The following RBFOX1 variants were observed in gnomAD, a reference collection of about 807,000 sequenced individuals.
RBFOX1 encodes the protein RNA binding protein fox-1 homolog 1.
RBFOX1 carries 8 observed loss-of-function variants against 57.7 expected under a neutral mutation model. The observed-to-expected ratio is 0.14, with a 90% CI of 0.08 to 0.25. RBFOX1 has a LOEUF of 0.25. RBFOX1 is among the 10% of genes least tolerant of loss of function. The pLI, the probability that RBFOX1 is intolerant of heterozygous loss-of-function variation, is 1.00. For synonymous variants in RBFOX1, 326 were observed against 222.4 expected (o/e 1.47, Z -4.15); for missense variants, 611 against 548.5 (o/e 1.11, Z -1.14).
At chr16:7,404,873 C>T (rs950573703) in intron 4 of RBFOX1, among the ~76,000 whole-genome samples, 1 of 152,044 alleles carries the variant, frequency 6.6e-6, no homozygotes, top group African/African-American at 2.4e-5. Flanking sequence ...TGAGGGGTGC[C>T]GTTCAGGATG....
chr16:6,972,969 C>G (rs898796857), intron 3 of RBFOX1, among the ~76,000 whole-genome samples: 5 of 151,964 alleles, frequency 3.3e-5, no homozygotes, highest in Non-Finnish European at 7.4e-5. Context: ...ACTAAAAATA[C>G]AAATAAAAAT....
chr16:5,938,214 G>A (rs150180698), intron 4 of RBFOX1, among the ~76,000 whole-genome samples: 126 of 151,980 alleles, frequency 8.3e-4, no homozygotes, highest in African/African-American at 2.9e-3. Context: ...TGTCTTCCTG[G>A]GAAGTATATA....
chr16:6,831,533 C>T (rs2092707852), intron 3 of RBFOX1, among the ~76,000 whole-genome samples: 1 of 152,100 alleles, frequency 6.6e-6, no homozygotes, highest in Non-Finnish European at 1.5e-5. Context: ...GAGATTTCAC[C>T]TCTGAACATT....
intron 2 of RBFOX1, among the ~76,000 whole-genome samples, chr16:6,534,526 G>A (rs2153822260): frequency 6.6e-6 from 1 of 152,226 alleles, no homozygotes; most frequent in African/African-American, 2.4e-5. Flanking sequence ...ATGCCATTGG[G>A]AAAGGACATC....
chr16:6,155,990 G>A (rs772497923), intron 1 of RBFOX1, among the ~76,000 whole-genome samples: 3 of 152,146 alleles, frequency 2.0e-5, no homozygotes, highest in African/African-American at 4.8e-5. Context: ...CTCTTCGTGA[G>A]TTAGAACTCT....
At chr16:6,676,673 C>CTTTTTTTTTTTTTTTTTTTTTTTTTTT (rs756578276) in intron 3 of RBFOX1, among the ~76,000 whole-genome samples, 22 of 103,572 alleles carry the variant, frequency 2.1e-4, no homozygotes, top group Middle Eastern at 6.6e-3. Flanking sequence ...TTTTTCTTTT[C>CTTTTTTTTTTTTTTTTTTTTTTTTTTT]TTTTTTTTTT....
At chr16:7,578,796 A>C (rs148841778) in intron 5 of RBFOX1, among the ~76,000 whole-genome samples, 2 of 152,278 alleles carry the variant, frequency 1.3e-5, no homozygotes, top group African/African-American at 4.8e-5. Context: ...ATCAAATGCT[A>C]AATGTCTGAA....
intron 3 of RBFOX1, among the ~76,000 whole-genome samples, chr16:6,952,124 C>T (rs1032969028): frequency 6.6e-6 from 1 of 152,118 alleles, no homozygotes; most frequent in Admixed American, 6.5e-5. Flanking sequence ...TTTAATATTT[C>T]CCCACAAGTG....
chr16:6,165,895 A>G (rs2096913423), intron 1 of RBFOX1, among the ~76,000 whole-genome samples: 1 of 152,178 alleles, frequency 6.6e-6, no homozygotes. Flanking sequence ...AATGCATGAA[A>G]AAGAGGGAGA....
intron 2 of RBFOX1, among the ~76,000 whole-genome samples, chr16:5,563,316 A>G (rs2045951988): frequency 6.6e-6 from 1 of 152,182 alleles, no homozygotes. Flanking sequence ...TCACTGATTC[A>G]AAACACCTCC....
intron 4 of RBFOX1, among the ~76,000 whole-genome samples, chr16:5,968,907 A>G (rs765378883): frequency 6.6e-6 from 1 of 152,054 alleles, no homozygotes. Flanking sequence ...TCTTTTTAAC[A>G]GCTTGATTTA....
intron 4 of RBFOX1, among the ~76,000 whole-genome samples, chr16:7,221,952 A>T (rs2092763407): frequency 6.6e-6 from 1 of 152,220 alleles, no homozygotes; most frequent in African/African-American, 2.4e-5. Context: ...AGAGGCTTCT[A>T]AGTCTTGGTC....
intron 3 of RBFOX1, among the ~76,000 whole-genome samples, chr16:6,828,601 A>T (rs2092426254): frequency 1.3e-5 from 2 of 151,804 alleles, no homozygotes; most frequent in Admixed American, 1.3e-4. Context: ...CCGGGCATGG[A>T]CCAAGCTGGC....
chr16:6,417,474 C>G (rs1034834033), intron 2 of RBFOX1, among the ~76,000 whole-genome samples: 15 of 137,186 alleles, frequency 1.1e-4, no homozygotes, highest in African/African-American at 4.1e-4. Context: ...ACTGCAATCT[C>G]TGTCTCCTGA....
intron 2 of RBFOX1, among the ~76,000 whole-genome samples, chr16:6,446,805 G>A (rs1597368311): frequency 6.6e-6 from 1 of 152,244 alleles, no homozygotes; most frequent in Admixed American, 6.5e-5. Flanking sequence ...ACCAAAGAGA[G>A]AGGTGTCCTG....
chr16:5,886,606 G>A (rs575827086), intron 4 of RBFOX1, among the ~76,000 whole-genome samples: 1 of 152,170 alleles, frequency 6.6e-6, no homozygotes, highest in Non-Finnish European at 1.5e-5. Flanking sequence ...TCGTCTCTTT[G>A]GCTGGGCGCG....
At position 7,219,661 on chromosome 16, in the gene RBFOX1, C is replaced by G. The variant is rs558860093; in HGVS notation, c.27+167563C>G. On this transcript the variant is annotated intron_variant, in intron 4 of 15. Coordinates refer to ENST00000550418, the MANE Select transcript of RBFOX1 (RefSeq NM_018723.4). ...TGTTTTTGTCAAACTCGGAGTAAAA[C>G]TGGCTCCTCTGCCGTATAGATCCCT... Among the ~76,000 whole-genome samples the G allele has an allele frequency of 2.6e-5, 4 of 152,306 alleles. No homozygotes were observed. The East Asian group carries it at 7.7e-4, about 29-fold the overall frequency.
chr16:6,582,356 A>G (rs921597428), intron 2 of RBFOX1, among the ~76,000 whole-genome samples: 1 of 152,204 alleles, frequency 6.6e-6, no homozygotes, highest in African/African-American at 2.4e-5. Context: ...AATATTTATG[A>G]ACACTAAATT....
At chr16:6,410,416 A>G (rs1013936548) in intron 2 of RBFOX1, among the ~76,000 whole-genome samples, 1 of 146,132 alleles carries the variant, frequency 6.8e-6, no homozygotes, top group Non-Finnish European at 1.5e-5. Flanking sequence ...GGTTCAGGCC[A>G]TTCTCCTGCC....
Sources: allele counts gnomAD v4.1 joint callset (sites outside exome capture counted in the v4.1 genomes callset), GRCh38; gene constraint gnomAD v4.1.1; transcripts MANE v1.5; gene names NCBI Gene and HGNC (gene_info 2026-07-23, HGNC 2026-07-21).